Variants in CEP70 observed in about 807,000 individuals in gnomAD.
The protein encoded by CEP70 is centrosomal protein 70.
CEP70 carries 70 observed loss-of-function variants against 90.9 expected under a neutral mutation model. That is an observed-to-expected ratio of 0.77 (90% CI 0.64 to 0.94). CEP70 has a LOEUF of 0.94. Among genes scored for constraint, CEP70 ranks in the 40% least tolerant of loss-of-function variants. The pLI, the probability that CEP70 is intolerant of heterozygous loss-of-function variation, is 0.00. For synonymous variants in CEP70, 220 were observed against 228.3 expected (o/e 0.96, Z 0.33); for missense variants, 648 against 669.0 (o/e 0.97, Z 0.35).
chr3:138,543,982 C>T (rs537615733), intron 6 of CEP70, among the ~76,000 whole-genome samples: 14 of 150,890 alleles, frequency 9.3e-5, no homozygotes, highest in African/African-American at 2.7e-4. Flanking sequence ...GTGATCAAGG[C>T]AAGATATCTA....
At chr3:138,501,295 T>G (rs576994656) in intron 13 of CEP70, among the ~76,000 whole-genome samples, 20 of 152,300 alleles carry the variant, frequency 1.3e-4, no homozygotes, top group African/African-American at 4.3e-4. Flanking sequence ...GAGATGTAAT[T>G]CATATACCAT....
intron 2 of CEP70, among the ~76,000 whole-genome samples, chr3:138,573,941 A>G (rs138026718): frequency 1.3e-5 from 2 of 152,284 alleles, no homozygotes; most frequent in African/African-American, 4.8e-5. Flanking sequence ...ACAAGACTAT[A>G]ATGATGCATT....
chr3:138,502,651 T>C (rs925335057), intron 13 of CEP70, among the ~76,000 whole-genome samples: 1 of 152,036 alleles, frequency 6.6e-6, no homozygotes, highest in Non-Finnish European at 1.5e-5. Context: ...CCCAATCTAA[T>C]ACATTTTTGC....
chr3:138,569,667 A>C (rs2041030727), intron 6 of CEP70, among the ~76,000 whole-genome samples: 1 of 152,200 alleles, frequency 6.6e-6, no homozygotes, highest in Admixed American at 6.5e-5. Flanking sequence ...CAGGAGTTTG[A>C]GACCAGCCTA....
chr3:138,538,837 G>C (rs190678124), intron 6 of CEP70, among the ~76,000 whole-genome samples: 10 of 151,868 alleles, frequency 6.6e-5, no homozygotes, highest in African/African-American at 2.4e-4. Flanking sequence ...ACTTCTTCTT[G>C]AGCCAGTTTT....
intron 17 of CEP70, 81 bp downstream of exon 17, chr3:138,497,950 C>T (rs1162544239): frequency 4.5e-6 from 7 of 1,572,210 alleles, no homozygotes; most frequent in Non-Finnish European, 6.0e-6. Context: ...AATACTAATC[C>T]AGTGACCAAG....
chr3:138,530,800 AC>A, intron 8 of CEP70: 1 of 984,898 alleles, frequency 1.0e-6, no homozygotes, highest in Non-Finnish European at 1.2e-6. Flanking sequence ...TTTAGATGAT[AC>A]CTATATCCTA....
intron 11 of CEP70, among the ~76,000 whole-genome samples, chr3:138,514,460 T>A (rs2035821354): frequency 6.6e-6 from 1 of 152,162 alleles, no homozygotes; most frequent in Non-Finnish European, 1.5e-5. Flanking sequence ...TGTTTCTTTT[T>A]TTTCCTACGT....
chr3:138,536,336 T>C (rs1462784958), intron 7 of CEP70, among the ~76,000 whole-genome samples: 3 of 152,064 alleles, frequency 2.0e-5, no homozygotes, highest in Admixed American at 6.5e-5. Context: ...AAATAATGAA[T>C]AGTTTTGATT....
At position 138,500,444 on chromosome 3, in the gene CEP70, C is replaced by G. The variant is rs761834971; in HGVS notation, c.1492G>C (p.Glu498Gln). Residue 498 changes from glutamate to glutamine, a missense_variant, in exon 15 of 18, where the codon GAA becomes CAA. By Grantham distance (29) the Glu-to-Gln change is conservative. Transcript: ENST00000264982. ...RMNEVYTRLG[E>Q]MNNAVRNLQE... Reference sequence around the variant, plus strand: ...AGGTTTCTCACAGCATTGTTCATTTCTCCAAGCCTAGTATAAACTTCATTC... The same window carrying G: ...AGGTTTCTCACAGCATTGTTCATTTGTCCAAGCCTAGTATAAACTTCATTC... The G allele has an allele frequency of 6.2e-7, 1 of 1,607,306 alleles. No individual in the cohort carries two copies. Among genetic ancestry groups the G allele is most frequent in the Middle Eastern group, 1.7e-4 (1 of 5,960 alleles).
chr3:138,522,457 C>T (rs1274522649), intron 11 of CEP70, among the ~76,000 whole-genome samples: 2 of 151,906 alleles, frequency 1.3e-5, no homozygotes, highest in South Asian at 4.2e-4. Context: ...AAAAGATCAA[C>T]AAAATTGATA....
chr3:138,528,282 A>G (rs1054106015), intron 10 of CEP70, among the ~76,000 whole-genome samples: 5 of 152,102 alleles, frequency 3.3e-5, no homozygotes, highest in Non-Finnish European at 5.9e-5. Context: ...TGCCTCAAGC[A>G]ATCCACCTGC....
At chr3:138,527,878 A>C (rs949712834) in intron 10 of CEP70, among the ~76,000 whole-genome samples, 2 of 151,774 alleles carry the variant, frequency 1.3e-5, no homozygotes, top group Admixed American at 6.6e-5. Flanking sequence ...CTTGACTGTG[A>C]TTGTTAGGGT....
intron 16 of CEP70, chr3:138,499,848 C>A (rs1383544898): frequency 5.8e-6 from 2 of 347,522 alleles, no homozygotes; most frequent in African/African-American, 2.1e-5. Flanking sequence ...GTCACACACA[C>A]ACACAAAAGA....
chr3:138,535,666 T>TG (rs2038201149), intron 7 of CEP70, among the ~76,000 whole-genome samples: 1 of 152,220 alleles, frequency 6.6e-6, no homozygotes, highest in South Asian at 2.1e-4. Context: ...TCTGGCCCAC[T>TG]GGACAAATTC....
chr3:138,511,061 C>A (rs761106822), intron 11 of CEP70, among the ~76,000 whole-genome samples: 1 of 151,802 alleles, frequency 6.6e-6, no homozygotes, highest in African/African-American at 2.4e-5. Context: ...TTAGTAGAAA[C>A]GGTGTTTTAC....
chr3:138,520,263 A>G (rs2036486333), intron 11 of CEP70, among the ~76,000 whole-genome samples: 1 of 152,096 alleles, frequency 6.6e-6, no homozygotes, highest in Non-Finnish European at 1.5e-5. Flanking sequence ...TGTCAACATT[A>G]GACAGATCAA....
At chr3:138,523,831 A>G (rs2036935109) in intron 11 of CEP70, among the ~76,000 whole-genome samples, 1 of 152,138 alleles carries the variant, frequency 6.6e-6, no homozygotes, top group African/African-American at 2.4e-5. Flanking sequence ...TGCCATCCCC[A>G]TCAAGCTACC....
intron 17 of CEP70, chr3:138,496,972 A>C: frequency 2.0e-6 from 2 of 991,816 alleles, no homozygotes; most frequent in Non-Finnish European, 2.4e-6. Context: ...ATCACTGCTT[A>C]AGTTAATAGC....
Sources: gnomAD v4.1 joint callset for allele counts (sites outside exome capture counted in the v4.1 genomes callset) on GRCh38, gnomAD v4.1.1 for gene constraint, MANE v1.5 for transcripts, NCBI Gene and HGNC (gene_info 2026-07-23, HGNC 2026-07-21) for gene names.